The following GPC5 variants were observed in gnomAD, a reference collection of about 807,000 sequenced individuals.
GPC5 encodes glypican 5.
In GPC5, 47 loss-of-function variants were observed where a neutral mutation model predicts 53.9. The observed-to-expected ratio is 0.87, with a 90% CI of 0.69 to 1.11. The LOEUF (loss-of-function observed/expected upper bound fraction) is 1.11, where lower values mean the gene tolerates loss of function less well. GPC5 is among the 50% of genes most tolerant of loss of function. GPC5 has a pLI of 0.00. For synonymous variants in GPC5, 286 were observed against 263.3 expected, an observed-to-expected ratio of 1.09 and a Z score of -0.84; for missense variants, 748 against 713.1, an observed-to-expected ratio of 1.05 and a Z score of -0.56.
At chr13:92,224,645 T>C (rs2042471860) in intron 7 of GPC5, among the ~76,000 whole-genome samples, 4 of 152,214 alleles carry the variant, frequency 2.6e-5, no homozygotes, top group South Asian at 4.1e-4. Flanking sequence ...TCAGATAGTC[T>C]GGAATTTGGG....
At chr13:92,387,381 C>T (rs988760261) in intron 7 of GPC5, among the ~76,000 whole-genome samples, 14 of 152,018 alleles carry the variant, frequency 9.2e-5, no homozygotes, top group African/African-American at 2.7e-4. Flanking sequence ...TTTCAATTTA[C>T]GATAGCTCTA....
intron 6 of GPC5, among the ~76,000 whole-genome samples, chr13:92,047,727 T>C (rs2040994053): frequency 6.7e-6 from 1 of 150,166 alleles, no homozygotes; most frequent in South Asian, 2.1e-4. Flanking sequence ...TCCCAGAACT[T>C]TGGGAGGCCA....
At chr13:92,392,675 A>G (rs1875062201) in intron 7 of GPC5, among the ~76,000 whole-genome samples, 1 of 152,318 alleles carries the variant, frequency 6.6e-6, no homozygotes, top group East Asian at 1.9e-4. Flanking sequence ...TCTGATAGCC[A>G]ATATTTGTAA....
intron 2 of GPC5, among the ~76,000 whole-genome samples, chr13:91,570,825 T>C (rs1338510471): frequency 2.0e-5 from 3 of 152,198 alleles, no homozygotes; most frequent in African/African-American, 7.2e-5. Context: ...GGCCCATTGA[T>C]GGGATGCATA....
chr13:91,570,926 G>C (rs558939001), intron 2 of GPC5, among the ~76,000 whole-genome samples: 1 of 152,116 alleles, frequency 6.6e-6, no homozygotes, highest in African/African-American at 2.4e-5. Flanking sequence ...TCTTTAATTA[G>C]TTTCTTTTAT....
intron 6 of GPC5, among the ~76,000 whole-genome samples, chr13:92,126,154 C>A (rs1332787613): frequency 1.3e-5 from 2 of 151,564 alleles, no homozygotes; most frequent in Non-Finnish European, 2.9e-5. Context: ...AGGGTTTTGC[C>A]GTGTTGGTCA....
chr13:92,259,439 A>G (rs1209077660), intron 7 of GPC5, among the ~76,000 whole-genome samples: 1 of 151,950 alleles, frequency 6.6e-6, no homozygotes, highest in African/African-American at 2.4e-5. Flanking sequence ...TGCCTCCCCT[A>G]CTCCTGATTG....
At chr13:91,716,837 C>A (rs558609960) in intron 3 of GPC5, among the ~76,000 whole-genome samples, 1 of 152,324 alleles carries the variant, frequency 6.6e-6, no homozygotes, top group Non-Finnish European at 1.5e-5. Flanking sequence ...TTTAAATCGT[C>A]TCCTGCATTG....
intron 6 of GPC5, among the ~76,000 whole-genome samples, chr13:92,132,618 C>T (rs537184610): frequency 4.9e-4 from 74 of 152,098 alleles, no homozygotes; most frequent in African/African-American, 1.4e-3. Flanking sequence ...TCCCTCTGTG[C>T]GTATTCCTCT....
chr13:92,545,432 C>A (rs954940386), intron 7 of GPC5, among the ~76,000 whole-genome samples: 1 of 152,118 alleles, frequency 6.6e-6, no homozygotes, highest in African/African-American at 2.4e-5. Flanking sequence ...TGGGTATATA[C>A]CCAGTAATGG....
rs1566516072 is a variant in GPC5, at chr13:91,571,896, T to TACGTGTGTGTGTGTATAC, written c.326-121289_326-121288insGTGTGTGTGTGTATACAC. Among the ~76,000 whole-genome samples, 99 of 76,018 alleles carry TACGTGTGTGTGTGTATAC rather than the reference T, an allele frequency of 1.3e-3. 8 individuals are homozygous for TACGTGTGTGTGTGTATAC. The highest frequency in any genetic ancestry group is 1.9e-3 in the Non-Finnish European group (76 of 39,762). 49.9% of individuals were successfully genotyped at this position (76,018 alleles called of 152,430 possible). ...ATATACACACATATACGTGTGTATA[T>TACGTGTGTGTGTGTATAC]ACACATATTGTATATATACACATAT... On this transcript the variant is annotated intron_variant, in intron 2 of 7. Coordinates refer to ENST00000377067, the MANE Select transcript of GPC5 (RefSeq NM_004466.6).
chr13:91,580,735 A>G (rs550727776), intron 2 of GPC5, among the ~76,000 whole-genome samples: 2 of 152,234 alleles, frequency 1.3e-5, no homozygotes, highest in Non-Finnish European at 2.9e-5. Flanking sequence ...CTTGCCATGC[A>G]CACAATCATT....
intron 7 of GPC5, among the ~76,000 whole-genome samples, chr13:92,358,533 A>G (rs970788892): frequency 5.3e-5 from 8 of 151,648 alleles, no homozygotes; most frequent in African/African-American, 2.0e-4. Flanking sequence ...CCCTGGTAAA[A>G]GTTCTCTATG....
intron 2 of GPC5, among the ~76,000 whole-genome samples, chr13:91,532,371 C>T (rs367567372): frequency 2.4e-3 from 361 of 152,200 alleles, no homozygotes; most frequent in African/African-American, 8.3e-3. Context: ...CTAATTGCAG[C>T]TTTCATCTCA....
intron 7 of GPC5, among the ~76,000 whole-genome samples, chr13:92,599,186 C>A (rs1292309518): frequency 2.0e-5 from 3 of 152,040 alleles, no homozygotes; most frequent in Admixed American, 1.3e-4. Context: ...GACCTTATTG[C>A]TTATAATATA....
At chr13:91,515,169 T>C (rs1286115442) in intron 2 of GPC5, among the ~76,000 whole-genome samples, 1 of 152,210 alleles carries the variant, frequency 6.6e-6, no homozygotes, top group African/African-American at 2.4e-5. Context: ...TGAGACTTCT[T>C]AGAGTCGCAC....
intron 7 of GPC5, among the ~76,000 whole-genome samples, chr13:92,212,796 A>C (rs568550663): frequency 5.3e-5 from 8 of 152,252 alleles, no homozygotes; most frequent in African/African-American, 1.9e-4. Context: ...CGGTACCTAA[A>C]GACTTTACCT....
intron 7 of GPC5, among the ~76,000 whole-genome samples, chr13:92,769,516 T>C (rs1402197736): frequency 2.0e-5 from 3 of 151,956 alleles, no homozygotes; most frequent in African/African-American, 4.8e-5. Flanking sequence ...AGAAGGGGGA[T>C]TGTCTGAGCC....
At chr13:92,393,331 T>C (rs1875110364) in intron 7 of GPC5, among the ~76,000 whole-genome samples, 1 of 152,138 alleles carries the variant, frequency 6.6e-6, no homozygotes, top group Admixed American at 6.6e-5. Context: ...TGTTCTCACT[T>C]ATAAATGGGA....
Sources: allele counts gnomAD v4.1 joint callset (sites outside exome capture counted in the v4.1 genomes callset), GRCh38; gene constraint gnomAD v4.1.1; transcripts MANE v1.5; gene names NCBI Gene and HGNC (gene_info 2026-07-23, HGNC 2026-07-21).